Variants in CCDC7 observed in about 807,000 individuals in gnomAD.
CCDC7 encodes coiled-coil domain-containing protein 7.
CCDC7 carries 183 observed loss-of-function variants against 196.9 expected under a neutral mutation model. That is an observed-to-expected ratio of 0.93 (90% CI 0.82 to 1.05). The LOEUF (loss-of-function observed/expected upper bound fraction) is 1.05. Among genes scored for constraint, CCDC7 ranks in the 50% least tolerant of loss-of-function variants. CCDC7 has a pLI of 0.00. For missense variants in CCDC7, 1,540 were observed against 1,482.2 expected (o/e 1.04, Z -0.64); for synonymous variants, 525 against 484.6 (o/e 1.08, Z -1.10).
Position 32,821,696 on chromosome 10 carries a change from C to T in CCDC7, c.3182-2822C>T, listed in dbSNP as rs562987959. 1.2e-3 allele frequency among the ~76,000 whole-genome samples: 178 copies of T among 151,926 alleles called. 2 individuals carry two copies. Among genetic ancestry groups the T allele is most frequent in the Non-Finnish European group, 1.6e-4 (11 of 67,980 alleles). On this transcript the variant is annotated intron_variant, in intron 31 of 41. Coordinates refer to ENST00000639629, the Ensembl canonical transcript of CCDC7. ...TGAAGCTGGAAATCATCATTCTCAGCAAACTATCGCAAGGCCAAAAAACCA... is the reference window on the plus strand; with the variant it reads ...TGAAGCTGGAAATCATCATTCTCAGTAAACTATCGCAAGGCCAAAAAACCA...
At chr10:32,626,916 C>CT (rs1216668363) in intron 18 of CCDC7, among the ~76,000 whole-genome samples, 2 of 151,714 alleles carry the variant, frequency 1.3e-5, no homozygotes, top group Non-Finnish European at 2.9e-5. Flanking sequence ...GGTGTGTCTA[C>CT]TTTTTTTGGC....
chr10:32,555,973 G>A (rs57679486), intron 13 of CCDC7, among the ~76,000 whole-genome samples: 13,413 of 152,136 alleles, frequency 0.088, 863 homozygotes, highest in East Asian at 0.33. Context: ...AGGATCCCTA[G>A]TAGCAAGAGA....
At chr10:32,509,257 A>T (rs1337520767) in intron 9 of CCDC7, among the ~76,000 whole-genome samples, 2 of 152,204 alleles carry the variant, frequency 1.3e-5, no homozygotes, top group Non-Finnish European at 2.9e-5. Context: ...AAACCCAAGC[A>T]TAGGTACAAG....
intron 9 of CCDC7, among the ~76,000 whole-genome samples, chr10:32,500,907 G>A (rs573189403): frequency 1.3e-5 from 2 of 152,276 alleles, no homozygotes; most frequent in South Asian, 2.1e-4. Context: ...CCAGTCAGGC[G>A]TGGCGGCGCG....
At chr10:32,734,928 TTAAAATAAAA>T (rs377052804) in intron 28 of CCDC7, among the ~76,000 whole-genome samples, 2,914 of 152,010 alleles carry the variant, frequency 0.019, 94 homozygotes, top group African/African-American at 0.066. Context: ...ATAAAATAAG[TTAAAATAAAA>T]TAAAATAAAA....
rs537782512 is a variant in CCDC7, at chr10:32,650,718, A to G, written c.2015-13336A>G. ...CACAAATCTCAGCTCAACCCTCCTGAGCCACAGGCTACAGCCTGAGGGCTC... is the reference window on the plus strand; with the variant it reads ...CACAAATCTCAGCTCAACCCTCCTGGGCCACAGGCTACAGCCTGAGGGCTC... On this transcript the variant is annotated intron_variant, in intron 20 of 41. Coordinates refer to ENST00000639629, the Ensembl canonical transcript of CCDC7. 2.6e-5 allele frequency among the ~76,000 whole-genome samples: 4 copies of G among 152,090 alleles called. No homozygotes were observed. In the South Asian group the frequency reaches 8.3e-4, roughly 32 times the overall value.
intron 9 of CCDC7, among the ~76,000 whole-genome samples, chr10:32,504,117 T>G (rs1447855010): frequency 1.0e-4 from 14 of 134,546 alleles, no homozygotes; most frequent in African/African-American, 3.0e-4. Flanking sequence ...TATTGCTGGT[T>G]TTTTTTTTTT....
In CCDC7 at chr10:32,619,514, A is replaced by G. The variant is rs529796784; in HGVS notation, c.1802-14740A>G. Among the ~76,000 whole-genome samples the G allele has an allele frequency of 2.6e-5, 4 of 152,316 alleles. No individual in the cohort carries two copies. In the South Asian group the frequency reaches 8.3e-4, roughly 32 times the overall value. Reference sequence around the variant, plus strand: ...TTAGAAGAATAAAACATATAGAATAACATACATATGCACACATACAGGCAT... The same window carrying G: ...TTAGAAGAATAAAACATATAGAATAGCATACATATGCACACATACAGGCAT... On this transcript the variant is annotated intron_variant, in intron 18 of 41. Coordinates refer to ENST00000639629, the Ensembl canonical transcript of CCDC7.
intron 20 of CCDC7, among the ~76,000 whole-genome samples, chr10:32,659,787 C>T (rs2070841835): frequency 1.3e-5 from 2 of 152,228 alleles, no homozygotes; most frequent in Admixed American, 1.3e-4. Flanking sequence ...CCGTCTCACA[C>T]CAATCAGAAT....
At chr10:32,479,677 C>T (rs576133713) in intron 8 of CCDC7, among the ~76,000 whole-genome samples, 20 of 152,150 alleles carry the variant, frequency 1.3e-4, no homozygotes, top group Admixed American at 3.3e-4. Flanking sequence ...TTTCTCATAG[C>T]GTCTTTGTCT....
chr10:32,511,264 G>GGC (rs1554812954), intron 9 of CCDC7: 33 of 543,906 alleles, frequency 6.1e-5, no homozygotes, highest in African/African-American at 2.9e-4. Context: ...TGGGGGGCGG[G>GGC]GGGGGCGGGG....
chr10:32,527,525 A>G (rs2048868918), intron 11 of CCDC7, among the ~76,000 whole-genome samples: 1 of 152,202 alleles, frequency 6.6e-6, no homozygotes, highest in Non-Finnish European at 1.5e-5. Flanking sequence ...GCCCGTGCAC[A>G]TCATTTCTGC....
intron 11 of CCDC7, among the ~76,000 whole-genome samples, chr10:32,535,366 A>T (rs2050302262): frequency 6.6e-6 from 1 of 152,152 alleles, no homozygotes; most frequent in Non-Finnish European, 1.5e-5. Flanking sequence ...CCTGAGCCAA[A>T]TATGAGTGAC....
chr10:32,615,184 G>A (rs922277660), intron 18 of CCDC7, among the ~76,000 whole-genome samples: 1 of 152,010 alleles, frequency 6.6e-6, no homozygotes, highest in African/African-American at 2.4e-5. Context: ...TTCCCTTTGG[G>A]TATATATCCA....
intron 20 of CCDC7, among the ~76,000 whole-genome samples, chr10:32,646,140 G>T (rs1164770516): frequency 2.1e-5 from 3 of 140,948 alleles, no homozygotes; most frequent in Non-Finnish European, 4.7e-5. Flanking sequence ...GTTCTTTCTA[G>T]TTTTTTTTCA....
intron 35 of CCDC7, 108 bp from the exon 37 acceptor site, chr10:32,845,768 T>TAAACAC: frequency 1.4e-6 from 1 of 726,632 alleles, no homozygotes; most frequent in East Asian, 2.7e-5. Flanking sequence ...CTTCCATAAT[T>TAAACAC]ACACACACAC....
At chr10:32,765,429 C>G (rs1481047731) in intron 28 of CCDC7, among the ~76,000 whole-genome samples, 1 of 151,936 alleles carries the variant, frequency 6.6e-6, no homozygotes, top group African/African-American at 2.4e-5. Context: ...AAGCTGAACT[C>G]ATCCTCTTGT....
chr10:32,664,078 A>G (rs551272846), exon 21 of CCDC7: 1 of 396,740 alleles, frequency 2.5e-6, no homozygotes, highest in South Asian at 1.3e-4. Flanking sequence ...CCAGAAGAAA[A>G]TCTTATGCTT....
At chr10:32,708,203 C>T (rs565532976) in intron 24 of CCDC7, among the ~76,000 whole-genome samples, 1 of 152,052 alleles carries the variant, frequency 6.6e-6, no homozygotes, top group Non-Finnish European at 1.5e-5. Context: ...ACAAACCTGA[C>T]AAAAACAAGA....
Sources: gnomAD v4.1 joint callset for allele counts (sites outside exome capture counted in the v4.1 genomes callset) on GRCh38, gnomAD v4.1.1 for gene constraint, MANE v1.5 for transcripts, NCBI Gene and HGNC (gene_info 2026-07-23, HGNC 2026-07-21) for gene names.